Variants in KLC1 observed in about 807,000 individuals in gnomAD.
KLC1 encodes the protein kinesin light chain 1, also known as kinesin 2 60/70kDa.
KLC1 carries 30 observed loss-of-function variants against 84.2 expected under a neutral mutation model. The observed-to-expected ratio is 0.36, with a 90% CI of 0.27 to 0.48. KLC1 has a LOEUF of 0.48. KLC1 is among the 20% of genes least tolerant of loss of function. The pLI, the probability that KLC1 is intolerant of heterozygous loss-of-function variation, is 0.99. For synonymous variants in KLC1, 289 were observed against 293.3 expected, an observed-to-expected ratio of 0.99 and a Z score of 0.15; for missense variants, 499 against 805.4, an observed-to-expected ratio of 0.62 and a Z score of 4.60.
chr14:103,673,303 T>A (rs766879745), intron 8 of KLC1, 29 bp from the exon 9 acceptor site: 9 of 1,541,884 alleles, frequency 5.8e-6, no homozygotes, highest in Non-Finnish European at 7.0e-6. Flanking sequence ...CTGAAAGATA[T>A]GAAATATTTT....
At chr14:103,681,751 T>A (rs1279439970) in intron 13 of KLC1, among the ~76,000 whole-genome samples, 1 of 152,068 alleles carries the variant, frequency 6.6e-6, no homozygotes, top group Non-Finnish European at 1.5e-5. Context: ...ACCACCGACT[T>A]TTCTTATTTT....
chr14:103,653,104 T>C (rs1214654120), intron 1 of KLC1, among the ~76,000 whole-genome samples: 1 of 152,166 alleles, frequency 6.6e-6, no homozygotes, highest in Non-Finnish European at 1.5e-5. Flanking sequence ...CTCTAGAAGC[T>C]GTGGAGTCCT....
At chr14:103,666,598 C>CT (rs754602644) in intron 5 of KLC1, among the ~76,000 whole-genome samples, 2,827 of 141,246 alleles carry the variant, frequency 0.02, 64 homozygotes, top group African/African-American at 0.058. Flanking sequence ...TCATTTAATT[C>CT]TTTTTTTTTT....
chr14:103,687,186 C>T lies in KLC1; in HGVS notation c.1756C>T (p.Arg586Ter), dbSNP rs895978731. 3 of 1,546,592 alleles carry T rather than the reference C, an allele frequency of 1.9e-6. No individual in the cohort carries two copies. Among genetic ancestry groups the T allele is most frequent in the South Asian group, 1.2e-5 (1 of 83,896 alleles). ...TAGGAAGCTGAAGGGAGGAAGTTCA[C>T]GAGAGAGTGAGCCAAAGAACCCCGG... ...LVRKLKGGSS[R>*]ESEPKNPGMK... The change falls in exon 14 of 17, where the codon CGA (arginine) becomes TGA (stop). Residue 586 changes from arginine (R) to a stop codon, truncating the protein, a stop_gained. Transcript: ENST00000334553. LOFTEE classifies it high-confidence loss of function.
At chr14:103,632,753 C>CT (rs1187985271) in intron 1 of KLC1, among the ~76,000 whole-genome samples, 2 of 152,002 alleles carry the variant, frequency 1.3e-5, no homozygotes, top group Admixed American at 6.6e-5. Flanking sequence ...CAAAAAAACT[C>CT]TGTCCTCTAG....
intron 5 of KLC1, among the ~76,000 whole-genome samples, chr14:103,667,215 G>A (rs1314385814): frequency 2.0e-5 from 3 of 152,104 alleles, no homozygotes; most frequent in African/African-American, 7.2e-5. Flanking sequence ...GGGTTCAAGC[G>A]ATTCTTCTGC....
chr14:103,700,715 C>G lies in KLC1; in HGVS notation c.1909C>G (p.Arg637Gly). The change falls in exon 16 of 17, where the codon CGC becomes GGC. Residue 637 changes from arginine to glycine, a missense_variant. Transcript: ENST00000334553. ...ACAGCAGCAGCAGTGGCCTGGAAGA[C>G]GCCACCGCTAACGTGAGTCCCACGG... ...KRQQQQWPGR[R>G]HR 1 of 1,600,666 alleles carries G rather than the reference C, an allele frequency of 6.2e-7. No homozygotes were observed. Among genetic ancestry groups the G allele is most frequent in the Non-Finnish European group, 8.5e-7 (1 of 1,174,678 alleles).
chr14:103,645,105 CTG>C (rs899705212), intron 1 of KLC1, among the ~76,000 whole-genome samples: 67 of 152,256 alleles, frequency 4.4e-4, no homozygotes, highest in African/African-American at 1.4e-3. Context: ...TCTCAAGTAA[CTG>C]GGGTTACAGG....
At chr14:103,687,302 G>C in intron 14 of KLC1, 91 bp downstream of exon 14, 2 of 1,302,372 alleles carry the variant, frequency 1.5e-6, no homozygotes, top group Non-Finnish European at 2.1e-6. Context: ...CCACAGACTT[G>C]AGGAAAGACA....
chr14:103,696,375 T>A, intron 15 of KLC1: 1 of 985,434 alleles, frequency 1.0e-6, no homozygotes, highest in South Asian at 4.7e-5. Flanking sequence ...ATTGGAGGGA[T>A]TCACATCGTT....
chr14:103,661,343 G>T (rs1188525771), intron 3 of KLC1, among the ~76,000 whole-genome samples: 1 of 152,142 alleles, frequency 6.6e-6, no homozygotes, highest in African/African-American at 2.4e-5. Flanking sequence ...CGTGGAATGG[G>T]GTCTCTGTCT....
At chr14:103,639,902 A>G (rs1019189341) in intron 1 of KLC1, among the ~76,000 whole-genome samples, 3 of 151,406 alleles carry the variant, frequency 2.0e-5, no homozygotes, top group Non-Finnish European at 2.9e-5. Context: ...CCACAGGTGC[A>G]TGTCACCACA....
chr14:103,638,726 T>C (rs1166564843), intron 1 of KLC1, among the ~76,000 whole-genome samples: 1 of 149,722 alleles, frequency 6.7e-6, no homozygotes, highest in Non-Finnish European at 1.5e-5. Flanking sequence ...TGGGTGTATA[T>C]GTATGAACAC....
chr14:103,647,414 G>A (rs1057077087), intron 1 of KLC1, among the ~76,000 whole-genome samples: 3 of 151,446 alleles, frequency 2.0e-5, no homozygotes, highest in Non-Finnish European at 2.9e-5. Context: ...TTTTTTACTA[G>A]AGATGGGGTT....
chr14:103,646,698 C>T (rs942604695), intron 1 of KLC1, among the ~76,000 whole-genome samples: 2 of 151,962 alleles, frequency 1.3e-5, no homozygotes, highest in Non-Finnish European at 2.9e-5. Context: ...TGGTCTTGAA[C>T]CCCTGGGCTC....
chr14:103,689,533 C>T lies in KLC1; in HGVS notation c.1781+2322C>T, dbSNP rs567933049. 2.0e-5 allele frequency among the ~76,000 whole-genome samples: 3 copies of T among 152,310 alleles called. No homozygotes were observed. In the South Asian group the frequency reaches 6.2e-4, roughly 32 times the overall value. Reference sequence around the variant, plus strand: ...AAATAAGAGTGACTGTTTTTATTAACTAGACAGTAGTCTCAGACATCTTTT... The same window carrying T: ...AAATAAGAGTGACTGTTTTTATTAATTAGACAGTAGTCTCAGACATCTTTT... On this transcript the variant is annotated intron_variant, in intron 14 of 16. Coordinates refer to ENST00000334553, the MANE Select transcript of KLC1 (RefSeq NM_001394837.1).
chr14:103,660,802 CAATA>C lies in KLC1; in HGVS notation c.493-1287_493-1284del, dbSNP rs147358285. Among the ~76,000 whole-genome samples the C allele has an allele frequency of 9.9e-4, 150 of 151,110 alleles. 2 individuals carry two copies. In the East Asian group the frequency reaches 0.02, roughly 20 times the overall value. ...GGAGACCCTGTCTCAGAAAAACAAG[CAATA>C]AATAAATAAATAAATAAATAAATAA... is the stretch of plus-strand genomic sequence containing the variant. On this transcript the variant is annotated intron_variant, in intron 3 of 16. Coordinates refer to ENST00000334553, the MANE Select transcript of KLC1 (RefSeq NM_001394837.1).
intron 15 of KLC1, chr14:103,695,893 C>T (rs527288599): frequency 5.2e-5 from 51 of 985,302 alleles, no homozygotes; most frequent in African/African-American, 3.1e-4. Context: ...CCTGAGTCCC[C>T]GATGTTTGAA....
chr14:103,658,600 A>G (rs1488062862), intron 3 of KLC1, among the ~76,000 whole-genome samples: 4 of 140,812 alleles, frequency 2.8e-5, no homozygotes, highest in African/African-American at 1.1e-4. Flanking sequence ...CTCTATTTGG[A>G]TGTTTATCCT....
Sources: gnomAD v4.1 joint callset for allele counts (sites outside exome capture counted in the v4.1 genomes callset) on GRCh38, gnomAD v4.1.1 for gene constraint, MANE v1.5 for transcripts, NCBI Gene and HGNC (gene_info 2026-07-23, HGNC 2026-07-21) for gene names.